The following HS6ST2 variants were observed in gnomAD, a reference collection of about 807,000 sequenced individuals.
The protein encoded by HS6ST2 is heparan-sulfate 6-O-sulfotransferase 2.
HS6ST2 carries 17 observed loss-of-function variants against 33.0 expected under a neutral mutation model. The observed-to-expected ratio is 0.52, with a 90% confidence interval of 0.35 to 0.77. The LOEUF (loss-of-function observed/expected upper bound fraction) is 0.77. HS6ST2 is among the 30% of genes least tolerant of loss of function. HS6ST2 has a pLI of 0.01. For missense variants in HS6ST2, 519 were observed against 551.7 expected (o/e 0.94, Z 0.59); for synonymous variants, 248 against 237.1 (o/e 1.05, Z -0.42).
intron 3 of HS6ST2, among the ~76,000 whole-genome samples, chrX:132,704,125 G>A (rs1569482288): frequency 8.9e-6 from 1 of 112,254 alleles, no homozygotes; most frequent in African/African-American, 3.2e-5. Context: ...ATATGTGTAT[G>A]TGTCTACACA....
At chrX:132,917,328 G>A (rs2148475386) in intron 2 of HS6ST2, among the ~76,000 whole-genome samples, 1 of 112,168 alleles carries the variant, frequency 8.9e-6, no homozygotes, top group African/African-American at 3.2e-5. Flanking sequence ...GCTGGGCATG[G>A]TGGCTTACAC....
intron 4 of HS6ST2, among the ~76,000 whole-genome samples, chrX:132,647,030 T>A (rs1238433768): frequency 1.8e-5 from 2 of 111,418 alleles, no homozygotes; most frequent in African/African-American, 6.5e-5. Flanking sequence ...GTATGGGGAT[T>A]TTGGGAGCTA....
At chrX:132,830,337 G>A (rs946277281) in intron 2 of HS6ST2, among the ~76,000 whole-genome samples, 3 of 111,454 alleles carry the variant, frequency 2.7e-5, no homozygotes, top group African/African-American at 9.8e-5. Context: ...ATCATACAGG[G>A]CCCACTAGGA....
intron 2 of HS6ST2, among the ~76,000 whole-genome samples, chrX:132,733,155 A>G (rs775898838): frequency 1.8e-5 from 2 of 111,308 alleles, no homozygotes; most frequent in South Asian, 7.7e-4. Context: ...CCCTTTCTCA[A>G]TGGCTCCAAG....
chrX:132,942,873 T>C (rs1209143829), intron 2 of HS6ST2, among the ~76,000 whole-genome samples: 1 of 112,060 alleles, frequency 8.9e-6, no homozygotes, highest in African/African-American at 3.2e-5. Context: ...TTACAAATTT[T>C]GCATAGTGTA....
At chrX:132,761,446 C>T (rs913743266) in intron 2 of HS6ST2, among the ~76,000 whole-genome samples, 9 of 111,267 alleles carry the variant, frequency 8.1e-5, no homozygotes, top group African/African-American at 2.6e-4. Flanking sequence ...CGAGCCAGCA[C>T]CAGGGCATCC....
At chrX:132,813,731 A>G (rs2065370935) in intron 2 of HS6ST2, among the ~76,000 whole-genome samples, 1 of 102,565 alleles carries the variant, frequency 9.7e-6, no homozygotes, top group Non-Finnish European at 2.0e-5. Flanking sequence ...CCTCCTCTCC[A>G]TTACCACGCC....
At chrX:132,791,392 G>A (rs771265282) in intron 2 of HS6ST2, among the ~76,000 whole-genome samples, 6 of 111,739 alleles carry the variant, frequency 5.4e-5, no homozygotes, top group Non-Finnish European at 1.1e-4. Context: ...TTGAATTAAA[G>A]GAGTACTGAC....
intron 2 of HS6ST2, among the ~76,000 whole-genome samples, chrX:132,735,850 A>T (rs529231623): frequency 2.3e-3 from 257 of 110,858 alleles, no homozygotes; most frequent in East Asian, 5.4e-3. Flanking sequence ...TTATTTATTT[A>T]TTTTTTTGAG....
intron 2 of HS6ST2, among the ~76,000 whole-genome samples, chrX:132,903,310 G>T (rs2066442508): frequency 1.8e-5 from 2 of 111,501 alleles, no homozygotes; most frequent in African/African-American, 6.5e-5. Context: ...CTAAATAAAT[G>T]GGAAAACATC....
chrX:132,804,355 C>T (rs1239976594), intron 2 of HS6ST2, among the ~76,000 whole-genome samples: 1 of 112,049 alleles, frequency 8.9e-6, no homozygotes, highest in Non-Finnish European at 1.9e-5. Flanking sequence ...ACCACCTAGC[C>T]CAGAGGAAAC....
chrX:132,863,805 G>C (rs192905065), intron 2 of HS6ST2, among the ~76,000 whole-genome samples: 1 of 111,721 alleles, frequency 9.0e-6, no homozygotes, highest in Admixed American at 9.5e-5. Context: ...CTGCAAACAA[G>C]AACCACTTAT....
intron 2 of HS6ST2, among the ~76,000 whole-genome samples, chrX:132,908,376 CAG>C (rs1307347521): frequency 2.7e-5 from 3 of 112,325 alleles, no homozygotes; most frequent in African/African-American, 9.7e-5. Flanking sequence ...TGATTAAACA[CAG>C]AGTTATCACA....
chrX:132,873,772 T>A (rs1315352882), intron 2 of HS6ST2, among the ~76,000 whole-genome samples: 2 of 111,283 alleles, frequency 1.8e-5, no homozygotes, highest in Admixed American at 1.9e-4. Context: ...TATGAACTTG[T>A]TAAGAATAGA....
intron 2 of HS6ST2, among the ~76,000 whole-genome samples, chrX:132,908,133 A>G (rs769415721): frequency 8.9e-6 from 1 of 112,652 alleles, no homozygotes; most frequent in Admixed American, 9.4e-5. Context: ...TATATAAAAT[A>G]TACAAATAGA....
upstream of HS6ST2, among the ~76,000 whole-genome samples, chrX:132,959,865 C>T (rs1416272185): frequency 8.9e-6 from 1 of 112,114 alleles, no homozygotes. Flanking sequence ...GTGCCAACTG[C>T]GTCACAGGCC....
chrX:132,661,687 T>G (rs1348723704), intron 4 of HS6ST2, among the ~76,000 whole-genome samples: 1 of 112,063 alleles, frequency 8.9e-6, no homozygotes, highest in Non-Finnish European at 1.9e-5. Flanking sequence ...TTGCAAAAAT[T>G]TATAGACCGA....
At chrX:132,721,935 T>C (rs1027711658) in intron 2 of HS6ST2, among the ~76,000 whole-genome samples, 9 of 110,825 alleles carry the variant, frequency 8.1e-5, no homozygotes, top group Non-Finnish European at 1.7e-4. Context: ...ACGCCTGTAA[T>C]CCTAGCACTT....
chrX:132,923,370 G>A (rs1039359352), intron 2 of HS6ST2, among the ~76,000 whole-genome samples: 5 of 111,287 alleles, frequency 4.5e-5, no homozygotes, highest in Admixed American at 2.9e-4. Context: ...TGCCTTGGTC[G>A]AGGAGGAAGT....
Sources: allele counts gnomAD v4.1 joint callset (sites outside exome capture counted in the v4.1 genomes callset), GRCh38; gene constraint gnomAD v4.1.1; transcripts MANE v1.5; gene names NCBI Gene and HGNC (gene_info 2026-07-23, HGNC 2026-07-21).